The following TAFA4 variants were observed in gnomAD, a reference collection of about 807,000 sequenced individuals.
TAFA4 encodes the protein chemokine-like protein TAFA-4.
In TAFA4, 20 loss-of-function variants were observed where a neutral mutation model predicts 21.1. That is an observed-to-expected ratio of 0.95 (90% CI 0.67 to 1.38). The LOEUF (loss-of-function observed/expected upper bound fraction) is 1.38, where lower values mean the gene tolerates loss of function less well. TAFA4 is among the 40% of genes most tolerant of loss of function. The pLI is 0.00. For missense variants in TAFA4, 211 were observed against 180.9 expected (o/e 1.17, Z -0.95); for synonymous variants, 71 against 67.4 (o/e 1.05, Z -0.26).
At chr3:68,923,354 A>C (rs2090077523) in intron 1 of TAFA4, among the ~76,000 whole-genome samples, 1 of 152,124 alleles carries the variant, frequency 6.6e-6, no homozygotes, top group South Asian at 2.1e-4. Context: ...TAACTCCATC[A>C]AGCTGTGTTT....
chr3:68,915,340 T>C (rs542068867), intron 1 of TAFA4, among the ~76,000 whole-genome samples: 1 of 152,348 alleles, frequency 6.6e-6, no homozygotes, highest in Admixed American at 6.5e-5. Flanking sequence ...CATTATGAGT[T>C]AGTCTCTTGT....
chr3:68,855,355 A>T (rs1343864794), intron 3 of TAFA4, among the ~76,000 whole-genome samples: 1 of 152,214 alleles, frequency 6.6e-6, no homozygotes. Flanking sequence ...GAAGCCAGAT[A>T]AATTGCTAAC....
intron 1 of TAFA4, among the ~76,000 whole-genome samples, chr3:68,925,062 T>C (rs1288859928): frequency 2.6e-5 from 4 of 152,116 alleles, no homozygotes; most frequent in Non-Finnish European, 5.9e-5. Flanking sequence ...CTTAATGGAG[T>C]TCCGTGCTTC....
At chr3:68,773,663 A>C (rs892540402) in intron 3 of TAFA4, among the ~76,000 whole-genome samples, 6 of 152,200 alleles carry the variant, frequency 3.9e-5, no homozygotes, top group African/African-American at 1.4e-4. Flanking sequence ...CCTATCACTC[A>C]GCAAATTCCA....
chr3:68,785,766 C>G (rs1360026024), intron 3 of TAFA4, among the ~76,000 whole-genome samples: 1 of 152,216 alleles, frequency 6.6e-6, no homozygotes, highest in African/African-American at 2.4e-5. Flanking sequence ...AGTGGGAGCC[C>G]AGGCAGAGGA....
chr3:68,910,580 A>G (rs2089952120), intron 1 of TAFA4, among the ~76,000 whole-genome samples: 1 of 152,154 alleles, frequency 6.6e-6, no homozygotes, highest in South Asian at 2.1e-4. Flanking sequence ...GCCATCATCC[A>G]CTCTATAGAA....
rs147910548 is a variant in TAFA4, at chr3:68,742,185, A to G, written c.287-2986T>C. Among the ~76,000 whole-genome samples the G allele has an allele frequency of 2.0e-3, 282 of 141,934 alleles. 2 individuals carry two copies. The Middle Eastern group carries it at 0.032, about 16-fold the overall frequency. 93.1% of individuals were successfully genotyped at this position (141,934 alleles called of 152,430 possible). ...CCCTTTATGATAAAAACTCTCAACA[A>G]AGATAATTTTATACAGAAGGAATGT... On this transcript the variant is annotated intron_variant, in intron 4 of 5. Transcript: ENST00000295569.
intron 3 of TAFA4, among the ~76,000 whole-genome samples, chr3:68,840,345 A>G (rs955843587): frequency 6.6e-6 from 1 of 152,014 alleles, no homozygotes; most frequent in African/African-American, 2.4e-5. Flanking sequence ...TATAACTGGG[A>G]CCACAGGCAT....
At chr3:68,779,046 T>C (rs962606213) in intron 3 of TAFA4, among the ~76,000 whole-genome samples, 1 of 152,168 alleles carries the variant, frequency 6.6e-6, no homozygotes, top group Non-Finnish European at 1.5e-5. Flanking sequence ...TGGTCTCAGA[T>C]GGAGATGAAG....
At position 68,752,740 on chromosome 3, in the gene TAFA4, G is replaced by T. The variant is rs1476301270; in HGVS notation, c.286+123C>A. 2.7e-6 allele frequency: 3 copies of T among 1,131,102 alleles called. No individual in the cohort carries two copies. In the Admixed American group the frequency reaches 5.8e-5, roughly 22 times the overall value. The allele number at this position is 1,131,102 out of a possible 1,614,324, so 70.1% of individuals were successfully genotyped here. ...GGAGTTGTATTTATGTACATTTTTG[G>T]ATTGACACTGATCTCAAAGCAACCC... is the stretch of plus-strand genomic sequence containing the variant. On this transcript the variant is annotated intron_variant, in intron 4 of 5. Transcript: ENST00000295569.
chr3:68,800,649 G>T (rs946042932), intron 3 of TAFA4, among the ~76,000 whole-genome samples: 2 of 152,150 alleles, frequency 1.3e-5, no homozygotes, highest in Non-Finnish European at 2.9e-5. Context: ...CTCCCCAACT[G>T]GTCTGCTCCA....
chr3:68,818,139 A>G (rs1264396543), intron 3 of TAFA4, among the ~76,000 whole-genome samples: 1 of 152,182 alleles, frequency 6.6e-6, no homozygotes, highest in Non-Finnish European at 1.5e-5. Flanking sequence ...TGCAGCTTCT[A>G]TATCAGCACT....
At chr3:68,813,349 C>A (rs1703884704) in intron 3 of TAFA4, among the ~76,000 whole-genome samples, 1 of 152,112 alleles carries the variant, frequency 6.6e-6, no homozygotes. Context: ...GACAGAGACA[C>A]AGAGAACCCT....
At chr3:68,803,510 C>T (rs560528817) in intron 3 of TAFA4, among the ~76,000 whole-genome samples, 1 of 152,162 alleles carries the variant, frequency 6.6e-6, no homozygotes, top group South Asian at 2.1e-4. Flanking sequence ...TTCATAGGGG[C>T]CTGTTTTGCC....
At chr3:68,793,856 T>A (rs1170677313) in intron 3 of TAFA4, among the ~76,000 whole-genome samples, 1 of 152,222 alleles carries the variant, frequency 6.6e-6, no homozygotes, top group Admixed American at 6.5e-5. Flanking sequence ...TGCCGGTCTA[T>A]ATAATAACTC....
intron 3 of TAFA4, among the ~76,000 whole-genome samples, chr3:68,766,623 T>C (rs1702859984): frequency 6.7e-6 from 1 of 150,270 alleles, no homozygotes; most frequent in Admixed American, 6.6e-5. Context: ...AGAAAATACT[T>C]AGAGAAACAA....
intron 3 of TAFA4, among the ~76,000 whole-genome samples, chr3:68,841,730 T>A (rs181838479): frequency 6.6e-5 from 10 of 152,140 alleles, no homozygotes; most frequent in African/African-American, 1.9e-4. Flanking sequence ...TTGTGTGTGA[T>A]GTTCCCCTCC....
At chr3:68,790,594 T>G (rs1276024026) in intron 3 of TAFA4, among the ~76,000 whole-genome samples, 2 of 152,210 alleles carry the variant, frequency 1.3e-5, no homozygotes, top group Non-Finnish European at 1.5e-5. Context: ...AGTTCTCAGG[T>G]AGAAGGTCAG....
chr3:68,733,276 AC>A, intron 5 of TAFA4, 123 bp from the exon 6 acceptor site: 2 of 1,208,064 alleles, frequency 1.7e-6, no homozygotes, highest in Non-Finnish European at 2.3e-6. Context: ...TTTACCTATA[AC>A]CGACCTCACC....
Sources: allele counts gnomAD v4.1 joint callset (sites outside exome capture counted in the v4.1 genomes callset), GRCh38; gene constraint gnomAD v4.1.1; transcripts MANE v1.5; gene names NCBI Gene and HGNC (gene_info 2026-07-23, HGNC 2026-07-21).